Variants in DNAH7 observed in about 807,000 individuals in gnomAD.
DNAH7 encodes the protein axonemal beta dynein heavy chain 7.
Under a neutral mutation model 444.6 loss-of-function variants are expected in DNAH7, and 397 were observed. The ratio of observed to expected loss-of-function variants is 0.89; its 90% CI spans 0.82 to 0.97. The LOEUF is 0.97. Among genes scored for constraint, DNAH7 ranks in the 50% least tolerant of loss-of-function variants. The probability of loss-of-function intolerance (pLI) is 0.00; values close to 1 mark genes in which losing one functional copy is unlikely to be tolerated. For missense variants in DNAH7, 4,902 were observed against 4,800.8 expected, an observed-to-expected ratio of 1.02 and a Z score of -0.62; for synonymous variants, 1,636 against 1,624.4, an observed-to-expected ratio of 1.01 and a Z score of -0.17.
At chr2:195,970,238 G>C (rs1255347593) in intron 16 of DNAH7, 144 bp from the exon 17 acceptor site, 2 of 728,606 alleles carry the variant, frequency 2.7e-6, no homozygotes, top group Non-Finnish European at 4.2e-6. Flanking sequence ...AAATGAACGA[G>C]ATCTAAAATA....
intron 20 of DNAH7, among the ~76,000 whole-genome samples, chr2:195,935,175 T>C (rs1466961060): frequency 6.6e-6 from 1 of 152,220 alleles, no homozygotes; most frequent in East Asian, 1.9e-4. Flanking sequence ...AAAGTAGCCA[T>C]TTCAACTGGG....
chr2:195,801,340 AT>A (rs1696444324), intron 54 of DNAH7, among the ~76,000 whole-genome samples: 1 of 151,866 alleles, frequency 6.6e-6, no homozygotes, highest in Non-Finnish European at 1.5e-5. Flanking sequence ...TTTGTTGTTC[AT>A]TTTTTAGTCA....
At position 195,756,223 on chromosome 2, in the gene DNAH7, A is replaced by G; in HGVS notation, c.11496T>C (p.Ile3832=). 4 of 1,613,736 alleles carry G rather than the reference A, an allele frequency of 2.5e-6. No individual in the cohort carries two copies. The highest frequency in any genetic ancestry group is 3.4e-6 in the Non-Finnish European group (4 of 1,179,730). The part of the protein sequence containing the change: ...EVVSSILNVK[I]PEMWMGKSYP... ...AGGATTTACCCATCCACATTTCTGG[A>G]ATTTTGACATTCAAAATGCTGCTAA... The change falls in exon 62 of 65, where the codon ATT becomes ATC. Residue 3832 remains isoleucine (I), a synonymous_variant. Coordinates refer to ENST00000312428, the MANE Select transcript of DNAH7 (RefSeq NM_018897.3).
At chr2:195,975,751 A>G (rs1422971208) in intron 15 of DNAH7, among the ~76,000 whole-genome samples, 1 of 152,148 alleles carries the variant, frequency 6.6e-6, no homozygotes, top group East Asian at 1.9e-4. Context: ...CAATGGGTAG[A>G]GTAGTGAGGC....
chr2:195,926,706 G>A (rs573444373), intron 21 of DNAH7, 140 bp from the exon 22 acceptor site: 27 of 660,752 alleles, frequency 4.1e-5, no homozygotes, highest in Non-Finnish European at 5.5e-5. Flanking sequence ...CACTTAAACC[G>A]TGTGATTACA....
intron 61 of DNAH7, among the ~76,000 whole-genome samples, chr2:195,758,469 T>C (rs1336500853): frequency 6.6e-6 from 1 of 152,200 alleles, no homozygotes. Flanking sequence ...GGCATAGGTT[T>C]GAGAAGGGAG....
At chr2:195,792,643 TAAC>T (rs552411531) in intron 57 of DNAH7, among the ~76,000 whole-genome samples, 185 of 152,294 alleles carry the variant, frequency 1.2e-3, no homozygotes, top group Admixed American at 3.8e-3. Flanking sequence ...ATAGATTAAA[TAAC>T]AGTGTATCCT....
intron 30 of DNAH7, chr2:195,894,628 A>T (rs1184356490): frequency 5.9e-6 from 1 of 169,684 alleles, no homozygotes; most frequent in African/African-American, 2.4e-5. Flanking sequence ...CAATAACAGA[A>T]GCTTGCATTA....
rs1341560685 is a variant in DNAH7, at chr2:196,051,225, A to T, written c.103T>A (p.Phe35Ile). The change falls in exon 3 of 65, where the codon TTC becomes ATC. Residue 35 changes from phenylalanine to isoleucine, a missense_variant. Physicochemically the swap from Phe to Ile is conservative, Grantham distance 21. Transcript: ENST00000312428. ...GGTAAAGCTCTTGCTGGTGCCTTGA[A>T]CTTTTCTTTGCTGGCTAATTTCTCC... ...SMEKLASKEK[F>I]KAPARALPQL... is the part of the protein sequence containing the mutation. 3 of 1,613,914 alleles carry T rather than the reference A, an allele frequency of 1.9e-6. No individual in the cohort carries two copies. The highest frequency in any genetic ancestry group is 1.7e-4 in the Middle Eastern group (1 of 6,044).
At chr2:195,910,271 G>T in intron 24 of DNAH7, 76 bp from the exon 25 acceptor site, 1 of 1,275,898 alleles carries the variant, frequency 7.8e-7, no homozygotes, top group Non-Finnish European at 1.1e-6. Flanking sequence ...AAGAGAAAAA[G>T]GTTAAATTGA....
At chr2:195,914,400 G>C (rs1246955283) in intron 24 of DNAH7, among the ~76,000 whole-genome samples, 1 of 152,176 alleles carries the variant, frequency 6.6e-6, no homozygotes, top group Non-Finnish European at 1.5e-5. Context: ...GACTTCCACT[G>C]GGTACAAGGT....
At chr2:195,871,040 T>C (rs1700656146) in intron 40 of DNAH7, among the ~76,000 whole-genome samples, 1 of 152,104 alleles carries the variant, frequency 6.6e-6, no homozygotes, top group Admixed American at 6.5e-5. Context: ...GGCAATTAGG[T>C]AACCTGCTGT....
At chr2:195,790,465 TA>T (rs201882584) in intron 57 of DNAH7, among the ~76,000 whole-genome samples, 456 of 128,998 alleles carry the variant, frequency 3.5e-3, no homozygotes, top group Middle Eastern at 4.0e-3. Context: ...TGGTACTGGT[TA>T]AAAAAAAAAA....
chr2:196,015,813 T>C (rs150924588), intron 9 of DNAH7, among the ~76,000 whole-genome samples: 1 of 152,342 alleles, frequency 6.6e-6, no homozygotes, highest in East Asian at 1.9e-4. Context: ...ATGCCCTTTG[T>C]ATTCAATGCT....
chr2:196,065,440 C>T (rs1014919379), intron 1 of DNAH7, among the ~76,000 whole-genome samples: 1 of 152,130 alleles, frequency 6.6e-6, no homozygotes, highest in Non-Finnish European at 1.5e-5. Context: ...AGATTGCATC[C>T]ATTTATAATA....
chr2:196,036,604 G>A (rs1351541182), intron 5 of DNAH7, among the ~76,000 whole-genome samples: 8 of 152,152 alleles, frequency 5.3e-5, no homozygotes, highest in Non-Finnish European at 5.9e-5. Context: ...CAGGGACACT[G>A]TGTGTCCCAC....
At chr2:195,827,180 G>A (rs553813266) in intron 48 of DNAH7, among the ~76,000 whole-genome samples, 91 of 152,294 alleles carry the variant, frequency 6.0e-4, no homozygotes, top group African/African-American at 2.2e-3. Context: ...GGAACAACCA[G>A]CACTCATTGC....
At position 195,888,341 on chromosome 2, in the gene DNAH7, T is replaced by C. The variant is rs1025544079; in HGVS notation, c.5323A>G (p.Ser1775Gly). ...SWVNLLPASV[S>G]VIQKEFIMGL... ...ATTATGAATTCCTTTTGAATAACAC[T>C]GACTGACGCAGGTAACAGATTCACC... The change falls in exon 33 of 65, where the codon AGT becomes GGT. Residue 1775 changes from serine to glycine, a missense_variant. By Grantham distance (56) the Ser-to-Gly change is moderately conservative. Coordinates refer to ENST00000312428, the MANE Select transcript of DNAH7 (RefSeq NM_018897.3). 1 of 1,610,740 alleles carries C rather than the reference T, an allele frequency of 6.2e-7. No homozygotes were observed. The highest frequency in any genetic ancestry group is 8.5e-7 in the Non-Finnish European group (1 of 1,178,922).
At chr2:195,803,793 T>A (rs2030427) in intron 54 of DNAH7, among the ~76,000 whole-genome samples, 150,119 of 152,348 alleles carry the variant, frequency 0.99, 73,993 homozygotes, top group Middle Eastern at 1. Context: ...TTTACCATTT[T>A]GAAGGACAGA....
Sources: gnomAD v4.1 joint callset for allele counts (sites outside exome capture counted in the v4.1 genomes callset) on GRCh38, gnomAD v4.1.1 for gene constraint, MANE v1.5 for transcripts, NCBI Gene and HGNC (gene_info 2026-07-23, HGNC 2026-07-21) for gene names.